THBS4: variants seen among roughly 807,000 people sequenced by gnomAD.
THBS4 encodes the protein thrombospondin 4, also known as thrombospondin-4.
Under a neutral mutation model 115.7 loss-of-function variants are expected in THBS4, and 90 were observed. That is an observed-to-expected ratio of 0.78 (90% confidence interval 0.66 to 0.93). THBS4 has a LOEUF of 0.93. Ranked by LOEUF, THBS4 falls within the 40% of genes least tolerant of loss-of-function variation. The pLI is 0.00. For synonymous variants in THBS4, 460 were observed against 479.3 expected, an observed-to-expected ratio of 0.96 and a Z score of 0.53; for missense variants, 1,087 against 1,232.7, an observed-to-expected ratio of 0.88 and a Z score of 1.77.
intron 4 of THBS4, 78 bp downstream of exon 4, chr5:80,058,392 G>A (rs1367908358): frequency 1.1e-5 from 12 of 1,066,536 alleles, no homozygotes; most frequent in Admixed American, 6.5e-5. Flanking sequence ...TCCCATCACC[G>A]AAAAGTGGGA....
chr5:80,065,343 G>C (rs1178354794), intron 8 of THBS4, 66 bp from the exon 9 acceptor site: 1 of 1,414,696 alleles, frequency 7.1e-7, no homozygotes, highest in East Asian at 2.3e-5. Flanking sequence ...AAACAAAGGA[G>C]ATTTATTTGC....
chr5:80,001,157 C>T (rs920194436), intron 2 of THBS4, among the ~76,000 whole-genome samples: 8 of 152,178 alleles, frequency 5.3e-5, no homozygotes, highest in African/African-American at 1.9e-4. Flanking sequence ...ATAATTACAA[C>T]TCCGTTGAAC....
At chr5:80,066,571 A>ACTC (rs1387245431) in intron 9 of THBS4, 1 of 152,150 alleles carries the variant, frequency 6.6e-6, no homozygotes, top group East Asian at 1.9e-4. Flanking sequence ...TCGCCACTGC[A>ACTC]CTCTAACCTG....
chr5:79,995,824 T>A (rs1256784856), intron 1 of THBS4, among the ~76,000 whole-genome samples: 1 of 151,870 alleles, frequency 6.6e-6, no homozygotes, highest in Non-Finnish European at 1.5e-5. Flanking sequence ...GAGAAAGAGA[T>A]TGGGGCTTTA....
intron 1 of THBS4, among the ~76,000 whole-genome samples, chr5:79,997,752 T>A (rs1831824118): frequency 6.6e-6 from 1 of 152,142 alleles, no homozygotes; most frequent in South Asian, 2.1e-4. Context: ...TTATGAGTCA[T>A]AAAGCAAACC....
In THBS4 at chr5:80,059,758, T is replaced by G. The variant is rs755176674; in HGVS notation, c.840T>G (p.Pro280=). The change falls in exon 7 of 22, where the codon CCT becomes CCG. Residue 280 remains proline (P), a synonymous_variant. Transcript: ENST00000350881. ...GCACGGTGGTGCCCCCGGCTCCCCC[T>G]GCACCGCCAACACGCCCACCTCGTC... is the stretch of plus-strand genomic sequence containing the variant. The part of the protein sequence containing the change: ...TPSTVVPPAP[P]APPTRPPRRC... 6.2e-7 allele frequency: 1 copy of G among 1,614,144 alleles called. No homozygotes were observed. The highest frequency in any genetic ancestry group is 1.7e-5 in the Admixed American group (1 of 60,020).
intron 2 of THBS4, among the ~76,000 whole-genome samples, chr5:80,054,070 AAAAACAAAAC>A (rs1016852168): frequency 2.6e-5 from 4 of 152,302 alleles, no homozygotes; most frequent in African/African-American, 7.2e-5. Flanking sequence ...CCCACATAGG[AAAAACAAAAC>A]AAAACAAAAC....
At chr5:80,075,157 T>C (rs1743136612) in intron 15 of THBS4, 2 of 152,248 alleles carry the variant, frequency 1.3e-5, no homozygotes, top group Non-Finnish European at 2.9e-5. Flanking sequence ...TTGTATTTTT[T>C]TGGTGTTATT....
chr5:80,006,341 A>G (rs1020486336), intron 2 of THBS4, among the ~76,000 whole-genome samples: 3 of 152,180 alleles, frequency 2.0e-5, no homozygotes, highest in African/African-American at 4.8e-5. Flanking sequence ...ATGGTAGTGA[A>G]TAAGTTTCAC....
chr5:79,996,248 G>T (rs1420607029), intron 1 of THBS4, among the ~76,000 whole-genome samples: 1 of 152,166 alleles, frequency 6.6e-6, no homozygotes, highest in Non-Finnish European at 1.5e-5. Context: ...TAGTATTAAG[G>T]CGATAAATCA....
chr5:80,055,991 C>T lies in THBS4; in HGVS notation c.499C>T (p.Pro167Ser), dbSNP rs1833417602. ...GGCCTTTGCTGGCCCCTCCCAGAAA[C>T]CTGAGACCATTGAATTGAGGACTTT... ...PRAFAGPSQK[P>S]ETIELRTFQR... is the part of the protein sequence containing the mutation. The change falls in exon 3 of 22, where the codon CCT becomes TCT. Residue 167 changes from proline (P) to serine (S), a missense_variant. Coordinates refer to ENST00000350881, the MANE Select transcript of THBS4 (RefSeq NM_003248.6). 1 of 1,613,444 alleles carries T rather than the reference C, an allele frequency of 6.2e-7. No individual in the cohort carries two copies. The highest frequency in any genetic ancestry group is 1.7e-5 in the Admixed American group (1 of 59,956).
chr5:80,056,423 A>G (rs573090055), intron 3 of THBS4, among the ~76,000 whole-genome samples: 2 of 152,352 alleles, frequency 1.3e-5, no homozygotes, highest in African/African-American at 4.8e-5. Flanking sequence ...TCAATTTTCT[A>G]TAATGAAAAT....
chr5:80,048,632 ATGTGTG>A (rs56183875), intron 2 of THBS4, among the ~76,000 whole-genome samples: 73 of 147,380 alleles, frequency 5.0e-4, no homozygotes, highest in Middle Eastern at 3.4e-3. Flanking sequence ...CACTAGATAG[ATGTGTG>A]TGTGTGTGTG....
At chr5:80,019,700 C>A in intron 2 of THBS4, 1 of 196,978 alleles carries the variant, frequency 5.1e-6, no homozygotes, top group Non-Finnish European at 1.1e-5. Flanking sequence ...GCCCTCTGGG[C>A]TTGGGATGTT....
chr5:79,997,835 A>C (rs1334366892), intron 1 of THBS4, among the ~76,000 whole-genome samples: 1 of 152,236 alleles, frequency 6.6e-6, no homozygotes, highest in Non-Finnish European at 1.5e-5. Context: ...AGAAGTCAAT[A>C]ACAGAAAGAT....
chr5:80,071,070 A>C lies in THBS4; in HGVS notation c.1610A>C (p.Asp537Ala). Residue 537 changes from aspartate (D) to alanine (A), a missense_variant, in exon 13 of 22, where the codon GAT becomes GCT. This residue lies in a region of THBS4 where 979 missense variants were observed against 1,103.7 expected (regional missense o/e 0.89). Transcript: ENST00000350881. ...HNVDQRNSDK[D>A]IFGDACDNCL... Reference sequence around the variant, plus strand: ...GTGGACCAAAGGAACAGCGATAAAGATATCTTTGGGGATGCCTGTGATAAC... The same window carrying C: ...GTGGACCAAAGGAACAGCGATAAAGCTATCTTTGGGGATGCCTGTGATAAC... 2 of 1,613,012 alleles carry C rather than the reference A, an allele frequency of 1.2e-6. No homozygotes were observed. The highest frequency in any genetic ancestry group is 1.7e-6 in the Non-Finnish European group (2 of 1,179,810).
At chr5:80,061,904 G>A in intron 8 of THBS4, 72 bp downstream of exon 8, 1 of 1,466,144 alleles carries the variant, frequency 6.8e-7, no homozygotes, top group Non-Finnish European at 9.1e-7. Context: ...CCACCTCTTT[G>A]GTATAAACCT....
At chr5:80,063,986 T>A (rs1014122305) in intron 8 of THBS4, among the ~76,000 whole-genome samples, 2 of 152,150 alleles carry the variant, frequency 1.3e-5, no homozygotes, top group African/African-American at 4.8e-5. Flanking sequence ...GGGACCTGGC[T>A]TTTACCACCT....
chr5:79,998,018 A>G (rs891867677), intron 1 of THBS4, among the ~76,000 whole-genome samples: 52 of 152,224 alleles, frequency 3.4e-4, no homozygotes, highest in African/African-American at 8.0e-4. Context: ...TGCAAAACAT[A>G]TATCTGTTAA....
Sources: allele counts gnomAD v4.1 joint callset (sites outside exome capture counted in the v4.1 genomes callset), GRCh38; gene constraint gnomAD v4.1.1; regional missense constraint gnomAD v4.1.1; transcripts MANE v1.5; gene names NCBI Gene and HGNC (gene_info 2026-07-23, HGNC 2026-07-21).